The following CDH18 variants were observed in gnomAD, a reference collection of about 807,000 sequenced individuals.
CDH18 encodes cadherin 18.
CDH18 carries 31 observed loss-of-function variants against 67.9 expected under a neutral mutation model. The ratio of observed to expected loss-of-function variants is 0.46; its 90% CI spans 0.34 to 0.62. The LOEUF is 0.62. CDH18 is among the 20% of genes least tolerant of loss of function. CDH18 has a pLI of 0.01. For missense variants in CDH18, 890 were observed against 975.5 expected (o/e 0.91, Z 1.17); for synonymous variants, 362 against 347.2 (o/e 1.04, Z -0.48).
At chr5:20,273,221 G>A (rs1386287297) in intron 1 of CDH18, among the ~76,000 whole-genome samples, 4 of 151,818 alleles carry the variant, frequency 2.6e-5, no homozygotes, top group East Asian at 1.9e-4. Flanking sequence ...CAGAAATATC[G>A]GGACCTAGCA....
At chr5:19,966,533 C>G (rs1027517873) in intron 2 of CDH18, among the ~76,000 whole-genome samples, 1 of 151,958 alleles carries the variant, frequency 6.6e-6, no homozygotes. Flanking sequence ...ATATATTTAG[C>G]AAATCACCAT....
At chr5:19,554,323 A>C (rs981826464) in intron 8 of CDH18, among the ~76,000 whole-genome samples, 3 of 152,126 alleles carry the variant, frequency 2.0e-5, no homozygotes, top group Non-Finnish European at 2.9e-5. Context: ...AAATGCTACA[A>C]AACCTTATTA....
At chr5:20,375,183 C>G (rs77780399) in intron 1 of CDH18, among the ~76,000 whole-genome samples, 89 of 152,224 alleles carry the variant, frequency 5.8e-4, no homozygotes, top group East Asian at 3.5e-3. Context: ...CTCAGTTATT[C>G]CTTATAAGCC....
At chr5:20,533,253 C>T (rs1461346790) in intron 1 of CDH18, among the ~76,000 whole-genome samples, 4 of 152,070 alleles carry the variant, frequency 2.6e-5, no homozygotes, top group Admixed American at 2.6e-4. Context: ...GAAACCCACC[C>T]TGCCAACAAG....
intron 5 of CDH18, among the ~76,000 whole-genome samples, chr5:19,680,764 A>G (rs529529868): frequency 3.3e-5 from 5 of 151,886 alleles, no homozygotes; most frequent in Non-Finnish European, 7.4e-5. Flanking sequence ...GTCTAAAAAT[A>G]TGCTGGTGAG....
In CDH18 at chr5:20,090,334, A is replaced by C. The variant is rs193168542; in HGVS notation, c.-517-98320T>G. 4.9e-3 allele frequency among the ~76,000 whole-genome samples: 739 copies of C among 152,244 alleles called. 5 individuals carry two copies. The highest frequency in any genetic ancestry group is 7.6e-3 in the Non-Finnish European group (514 of 68,006). On this transcript the variant is annotated intron_variant, in intron 2 of 14. Coordinates refer to the CDH18 transcript ENST00000507958. ...GGCGAATCACCGGTTTAGGAGTTCAAGACCAGCTTGACCAATATAGAGAAA... is the reference window on the plus strand; with the variant it reads ...GGCGAATCACCGGTTTAGGAGTTCACGACCAGCTTGACCAATATAGAGAAA...
rs72287076 is a variant in CDH18 at position 20,546,748 on chromosome 5, T to TACACACACACACACACACACAC, written c.-580+28713_-580+28714insGTGTGTGTGTGTGTGTGTGTGT. 9.9e-5 allele frequency among the ~76,000 whole-genome samples: 14 copies of TACACACACACACACACACACAC among 141,498 alleles called. 1 individual carries two copies. The highest frequency in any genetic ancestry group is 3.5e-4 in the African/African-American group (13 of 37,140). 92.8% of individuals were successfully genotyped at this position (141,498 alleles called of 152,430 possible). ...AGTCAAACCATATCACATACATACA[T>TACACACACACACACACACACAC]AGACACACACACACACACACATATG... On this transcript the variant is annotated intron_variant, in intron 1 of 14. Transcript: ENST00000507958.
intron 5 of CDH18, among the ~76,000 whole-genome samples, chr5:19,666,476 T>G (rs1216071602): frequency 6.6e-6 from 1 of 151,776 alleles, no homozygotes; most frequent in African/African-American, 2.4e-5. Flanking sequence ...TCTCCTGATG[T>G]CCATCCTGGG....
intron 2 of CDH18, among the ~76,000 whole-genome samples, chr5:19,908,700 T>C (rs1356935654): frequency 6.6e-6 from 1 of 152,170 alleles, no homozygotes; most frequent in South Asian, 2.1e-4. Context: ...ATATGGCCTA[T>C]TTTCATCTGA....
At chr5:20,353,297 T>C (rs1021143622) in intron 1 of CDH18, among the ~76,000 whole-genome samples, 7 of 152,198 alleles carry the variant, frequency 4.6e-5, no homozygotes, top group Non-Finnish European at 8.8e-5. Flanking sequence ...ATACATGCGC[T>C]TGCCAGTAAT....
At chr5:19,476,684 T>A (rs1017336172) in intron 12 of CDH18, among the ~76,000 whole-genome samples, 1 of 152,086 alleles carries the variant, frequency 6.6e-6, no homozygotes, top group African/African-American at 2.4e-5. Context: ...CTGCCTAATT[T>A]ATTATAATAC....
At chr5:20,223,829 T>C (rs1741410693) in intron 2 of CDH18, among the ~76,000 whole-genome samples, 1 of 152,146 alleles carries the variant, frequency 6.6e-6, no homozygotes, top group Admixed American at 6.6e-5. Context: ...AAACGTGACT[T>C]TGCTCCTCAT....
At chr5:19,770,522 C>G (rs546998300) in intron 3 of CDH18, among the ~76,000 whole-genome samples, 9 of 151,752 alleles carry the variant, frequency 5.9e-5, no homozygotes, top group Admixed American at 6.6e-5. Flanking sequence ...TTAACAGAAA[C>G]AAAGAGATTA....
chr5:19,992,338 A>G (rs1800032932), upstream of CDH18, among the ~76,000 whole-genome samples: 1 of 152,102 alleles, frequency 6.6e-6, no homozygotes. Context: ...TAATTGTTGT[A>G]CTACAAATGA....
At chr5:20,553,154 G>T (rs1026111287) in intron 1 of CDH18, among the ~76,000 whole-genome samples, 4 of 152,084 alleles carry the variant, frequency 2.6e-5, no homozygotes, top group Admixed American at 2.6e-4. Flanking sequence ...TATCATATTT[G>T]CAGGATTTAT....
At chr5:19,536,862 A>G (rs1272461203) in intron 9 of CDH18, among the ~76,000 whole-genome samples, 1 of 152,160 alleles carries the variant, frequency 6.6e-6, no homozygotes, top group African/African-American at 2.4e-5. Context: ...TTCTCCAGGA[A>G]AAAATGAATC....
intron 2 of CDH18, among the ~76,000 whole-genome samples, chr5:20,136,772 A>C (rs1749763392): frequency 6.6e-6 from 1 of 152,148 alleles, no homozygotes; most frequent in Non-Finnish European, 1.5e-5. Flanking sequence ...GAGCTGTTGT[A>C]AGGCAGGCCT....
intron 2 of CDH18, among the ~76,000 whole-genome samples, chr5:20,095,398 A>AGAAAGAAG: frequency 8.7e-6 from 1 of 115,134 alleles, no homozygotes; most frequent in Non-Finnish European, 1.8e-5. Flanking sequence ...AACAGAAGAA[A>AGAAAGAAG]GAAAGAAAGA....
chr5:20,345,401 G>C (rs964008900), intron 1 of CDH18, among the ~76,000 whole-genome samples: 6 of 152,110 alleles, frequency 3.9e-5, no homozygotes, highest in African/African-American at 1.4e-4. Flanking sequence ...TTTCTGCTAG[G>C]ATTTAATGTC....
Sources: allele counts gnomAD v4.1 joint callset (sites outside exome capture counted in the v4.1 genomes callset), GRCh38; gene constraint gnomAD v4.1.1; transcripts MANE v1.5; gene names NCBI Gene and HGNC (gene_info 2026-07-23, HGNC 2026-07-21).